The following ZNF133 variants were observed in gnomAD, a reference collection of about 807,000 sequenced individuals.
ZNF133 encodes zinc finger protein 133, also known as zinc finger protein 133 (clone pHZ-13).
In ZNF133, 26 loss-of-function variants were observed where a neutral mutation model predicts 54.9. The ratio of observed to expected loss-of-function variants is 0.47; its 90% CI spans 0.35 to 0.66. ZNF133 has a LOEUF of 0.66. Among genes scored for constraint, ZNF133 ranks in the 30% least tolerant of loss-of-function variants. ZNF133 has a pLI of 0.01. For missense variants in ZNF133, 653 were observed against 820.8 expected (o/e 0.80, Z 2.50); for synonymous variants, 298 against 320.3 (o/e 0.93, Z 0.74).
chr20:18,305,748 C>T lies in ZNF133; in HGVS notation c.62C>T (p.Ala21Val). The part of the protein sequence containing the change: ...TQDEWRLLSP[A>V]QRTLYREVML... ...GATGAGTGGAGGCTGCTGAGCCCTGCTCAAAGGACTCTGTACAGAGAGGTG... is the reference window on the plus strand; with the variant it reads ...GATGAGTGGAGGCTGCTGAGCCCTGTTCAAAGGACTCTGTACAGAGAGGTG... The change falls in exon 5 of 7, where the codon GCT (alanine) becomes GTT (valine). Residue 21 changes from alanine (A) to valine (V), a missense_variant. Physicochemically the swap from Ala to Val is moderately conservative, Grantham distance 64. Coordinates refer to ENST00000425686, the MANE Select transcript of ZNF133 (RefSeq NM_001352452.2). The surrounding 1 kb of genome is among the most constrained non-coding windows in gnomAD (Gnocchi z 4.7). The T allele has an allele frequency of 6.2e-7, 1 of 1,614,150 alleles. No homozygotes were observed. The highest frequency in any genetic ancestry group is 8.5e-7 in the Non-Finnish European group (1 of 1,180,010).
chr20:18,303,605 A>AAT (rs1179306682), intron 3 of ZNF133, among the ~76,000 whole-genome samples: 1 of 152,208 alleles, frequency 6.6e-6, no homozygotes, highest in Non-Finnish European at 1.5e-5. Flanking sequence ...CTTACAGACT[A>AAT]ATAGAACAGA....
At chr20:18,299,796 T>C (rs951544306) in intron 3 of ZNF133, among the ~76,000 whole-genome samples, 4 of 152,256 alleles carry the variant, frequency 2.6e-5, no homozygotes, top group South Asian at 2.1e-4. Flanking sequence ...ATATTTGAAG[T>C]GCTAAAAGAA....
chr20:18,315,659 A>T lies in ZNF133; in HGVS notation c.808A>T (p.Ile270Phe), dbSNP rs1427168111. ...GAAGGCACACTCGGGGGAGAAGCCA[A>T]TTGTGTGCAGGGAGTGTGGACGAGG... is the stretch of plus-strand genomic sequence containing the variant. ...HQKAHSGEKP[I>F]VCRECGRGFN... Residue 270 changes from isoleucine (I) to phenylalanine (F), a missense_variant, in exon 7 of 7, where the codon ATT becomes TTT. Ile to Phe is a conservative substitution (Grantham distance 21). Transcript: ENST00000425686. The T allele has an allele frequency of 1.2e-6, 2 of 1,613,432 alleles. No homozygotes were observed. The highest frequency in any genetic ancestry group is 1.7e-6 in the Non-Finnish European group (2 of 1,179,774).
intron 1 of ZNF133, among the ~76,000 whole-genome samples, chr20:18,291,124 G>T (rs553477607): frequency 6.6e-6 from 1 of 152,068 alleles, no homozygotes; most frequent in Admixed American, 6.6e-5. Flanking sequence ...CATTCTTCTC[G>T]ATTCCTTTTC....
Position 18,316,462 on chromosome 20 carries a change from C to T in ZNF133, c.1611C>T (p.Leu537=). 1 of 1,614,168 alleles carries T rather than the reference C, an allele frequency of 6.2e-7. No homozygotes were observed. Among genetic ancestry groups the T allele is most frequent in the East Asian group, 2.2e-5 (1 of 44,854 alleles). ...GAGGCTTTAGCCACCAGGCCGGTCTCATCAGGCACAAGCGGAAGCACTCGA... is the reference window on the plus strand; with the variant it reads ...GAGGCTTTAGCCACCAGGCCGGTCTTATCAGGCACAAGCGGAAGCACTCGA... ...CGRGFSHQAG[L]IRHKRKHSRE... is the part of the protein sequence containing the mutation. The change falls in exon 7 of 7, where the codon CTC becomes CTT. Residue 537 remains leucine (L), a synonymous_variant. Coordinates refer to ENST00000425686, the MANE Select transcript of ZNF133 (RefSeq NM_001352452.2).
At chr20:18,296,490 T>C (rs931447858) in intron 1 of ZNF133, among the ~76,000 whole-genome samples, 4 of 152,186 alleles carry the variant, frequency 2.6e-5, no homozygotes, top group Non-Finnish European at 5.9e-5. Flanking sequence ...CAACCACCAT[T>C]TGACTATTCT....
At chr20:18,295,400 C>A in intron 1 of ZNF133, 1 of 152,540 alleles carries the variant, frequency 6.6e-6, no homozygotes. Flanking sequence ...GCTGGATCAA[C>A]ACTGGTGATC....
intron 1 of ZNF133, among the ~76,000 whole-genome samples, chr20:18,288,925 G>A (rs2040254877): frequency 6.6e-6 from 1 of 152,162 alleles, no homozygotes; most frequent in African/African-American, 2.4e-5. Context: ...GTCGGGTATT[G>A]GGAAAGGGAG....
At position 18,305,612 on chromosome 20, in the gene ZNF133, T is replaced by C; in HGVS notation, c.-6-69T>C. 6.2e-7 allele frequency: 1 copy of C among 1,609,806 alleles called. No homozygotes were observed. The highest frequency in any genetic ancestry group is 8.5e-7 in the Non-Finnish European group (1 of 1,177,752). On this transcript the variant is annotated intron_variant, in intron 4 of 6. Transcript: ENST00000425686. This position sits in a 1 kb window ranked among gnomAD's most constrained non-coding sequence, Gnocchi z 4.7. ...ACCTGCCTCCCCCAGGGCAGCCTTA[T>C]CCCTGCCCCTCACCCTGCCATGGGC... is the stretch of plus-strand genomic sequence containing the variant.
chr20:18,304,323 A>C (rs2044125237), intron 3 of ZNF133, among the ~76,000 whole-genome samples: 1 of 152,234 alleles, frequency 6.6e-6, no homozygotes, highest in Non-Finnish European at 1.5e-5. Context: ...TGGGAATGCA[A>C]AATGGTACAG....
In ZNF133 at chr20:18,305,546, T is replaced by G; in HGVS notation, c.-6-135T>G. ...GATTGAGACAGGGATTTAAAAGTCT[T>G]GGAACACATGGCACCAGGGTCACTG... is the stretch of plus-strand genomic sequence containing the variant. On this transcript the variant is annotated intron_variant, in intron 4 of 6. Transcript: ENST00000425686. This position sits in a 1 kb window ranked among gnomAD's most constrained non-coding sequence, Gnocchi z 4.7. The G allele has an allele frequency of 7.7e-7, 1 of 1,296,980 alleles. No homozygotes were observed. Among genetic ancestry groups the G allele is most frequent in the Non-Finnish European group, 1.1e-6 (1 of 935,202 alleles). 80.3% of individuals were successfully genotyped at this position (1,296,980 alleles called of 1,614,324 possible). A position where few individuals can be genotyped will look rare whatever the true frequency, so the allele number is the denominator to read the frequency against.
At chr20:18,309,697 A>C (rs566556545) in intron 6 of ZNF133, among the ~76,000 whole-genome samples, 5 of 152,326 alleles carry the variant, frequency 3.3e-5, no homozygotes, top group Middle Eastern at 3.4e-3. Flanking sequence ...TAGGTGATCA[A>C]ATATTCAGGG....
At chr20:18,292,782 C>T (rs892569640) in intron 1 of ZNF133, among the ~76,000 whole-genome samples, 1 of 152,110 alleles carries the variant, frequency 6.6e-6, no homozygotes, top group Non-Finnish European at 1.5e-5. Context: ...TAAAATAGTG[C>T]CTATCACACA....
At chr20:18,297,657 T>C (rs1363883184) in intron 1 of ZNF133, among the ~76,000 whole-genome samples, 1 of 152,148 alleles carries the variant, frequency 6.6e-6, no homozygotes, top group Non-Finnish European at 1.5e-5. Flanking sequence ...GTTTTTGAGA[T>C]TTCCCTAGTT....
At chr20:18,289,587 G>A (rs1425574884) in intron 1 of ZNF133, among the ~76,000 whole-genome samples, 1 of 152,112 alleles carries the variant, frequency 6.6e-6, no homozygotes, top group African/African-American at 2.4e-5. Context: ...TTATAGCTGT[G>A]TCACCTTGGG....
At chr20:18,290,890 G>A (rs567000973) in intron 1 of ZNF133, among the ~76,000 whole-genome samples, 1 of 152,284 alleles carries the variant, frequency 6.6e-6, no homozygotes, top group Non-Finnish European at 1.5e-5. Context: ...ACTTTGGGGG[G>A]CCAGAGCGGG....
intron 6 of ZNF133, chr20:18,314,437 C>T (rs1225017505): frequency 6.6e-6 from 1 of 152,170 alleles, no homozygotes; most frequent in African/African-American, 2.4e-5. Flanking sequence ...CCTTTAAAGT[C>T]ATTGGGGACC....
chr20:18,315,172 C>T lies in ZNF133; in HGVS notation c.321C>T (p.Ile107=), dbSNP rs1397254610. 6.2e-7 allele frequency: 1 copy of T among 1,612,912 alleles called. No individual in the cohort carries two copies. ...QHVLCNHPPW[I]FTCLCAEGNI... Reference sequence around the variant, plus strand: ...TGCTGTGTAATCATCCCCCCTGGATCTTCACATGCTTGTGTGCAGAAGGTA... The same window carrying T: ...TGCTGTGTAATCATCCCCCCTGGATTTTCACATGCTTGTGTGCAGAAGGTA... Residue 107 remains isoleucine (I), a synonymous_variant, in exon 7 of 7, where the codon ATC becomes ATT. Coordinates refer to ENST00000425686, the MANE Select transcript of ZNF133 (RefSeq NM_001352452.2).
At chr20:18,296,774 G>A (rs558216203) in intron 1 of ZNF133, among the ~76,000 whole-genome samples, 15 of 152,136 alleles carry the variant, frequency 9.9e-5, no homozygotes, top group African/African-American at 9.7e-5. Flanking sequence ...GTTCTTTTGC[G>A]TATATAGCCA....
Sources: allele counts gnomAD v4.1 joint callset (sites outside exome capture counted in the v4.1 genomes callset), GRCh38; gene constraint gnomAD v4.1.1; non-coding constraint Gnocchi (gnomAD v3.1); transcripts MANE v1.5; gene names NCBI Gene and HGNC (gene_info 2026-07-23, HGNC 2026-07-21).